The following HIPK3 variants were observed in gnomAD, a reference collection of about 807,000 sequenced individuals.
The protein encoded by HIPK3 is homeodomain interacting protein kinase 3.
A neutral mutation model predicts 124.2 loss-of-function variants in HIPK3; 47 were observed. The observed-to-expected ratio is 0.38, with a 90% CI of 0.30 to 0.48. The LOEUF (loss-of-function observed/expected upper bound fraction) is 0.48. HIPK3 is among the 20% of genes least tolerant of loss of function. The pLI, the probability that HIPK3 is intolerant of heterozygous loss-of-function variation, is 0.98. For synonymous variants in HIPK3, 482 were observed against 515.2 expected, an observed-to-expected ratio of 0.94 and a Z score of 0.87; for missense variants, 1,286 against 1,454.3, an observed-to-expected ratio of 0.88 and a Z score of 1.88.
At chr11:33,295,375 G>C (rs1253259842) in intron 2 of HIPK3, among the ~76,000 whole-genome samples, 1 of 149,854 alleles carries the variant, frequency 6.7e-6, no homozygotes, top group Non-Finnish European at 1.5e-5. Flanking sequence ...CCCTAGCCAG[G>C]GTTGTGCTTT....
chr11:33,317,775 G>A (rs1311679464), intron 2 of HIPK3, among the ~76,000 whole-genome samples: 1 of 152,110 alleles, frequency 6.6e-6, no homozygotes, highest in East Asian at 1.9e-4. Context: ...GCTGTCTTTT[G>A]TTACAAGTAT....
intron 1 of HIPK3, among the ~76,000 whole-genome samples, chr11:33,268,387 G>C (rs1851029351): frequency 6.6e-6 from 1 of 151,814 alleles, no homozygotes; most frequent in African/African-American, 2.4e-5. Context: ...TTGAAGCCAG[G>C]AGTTCAAGAC....
At position 33,349,853 on chromosome 11, in the gene HIPK3, G is replaced by A. The variant is rs577341578; in HGVS notation, c.2807+566G>A. Reference sequence around the variant, plus strand: ...GTGATCTTGGCTCACCGCAGCCTCCGCCTCCCCAGGTTCAAGTGAGTCTCC... The same window carrying A: ...GTGATCTTGGCTCACCGCAGCCTCCACCTCCCCAGGTTCAAGTGAGTCTCC... On this transcript the variant is annotated intron_variant, in intron 14 of 16. Transcript: ENST00000303296. Among the ~76,000 whole-genome samples, 400 of 152,116 alleles carry A rather than the reference G, an allele frequency of 2.6e-3. 2 individuals carry two copies. The highest frequency in any genetic ancestry group is 9.2e-3 in the African/African-American group (383 of 41,494).
At chr11:33,352,042 C>G (rs757082526) in intron 15 of HIPK3, 96 bp from the exon 16 acceptor site, 26 of 1,269,926 alleles carry the variant, frequency 2.0e-5, no homozygotes, top group Non-Finnish European at 2.8e-5. Context: ...TTTTAAGGCT[C>G]TCAAATCACT....
intron 1 of HIPK3, among the ~76,000 whole-genome samples, chr11:33,278,517 C>T (rs1479578233): frequency 6.6e-6 from 1 of 152,130 alleles, no homozygotes; most frequent in Non-Finnish European, 1.5e-5. Flanking sequence ...GGTAGTTGGT[C>T]AAGAAGCACC....
Position 33,337,197 on chromosome 11 carries a change from A to T in HIPK3, c.1341+3A>T. 1 of 1,507,386 alleles carries T rather than the reference A, an allele frequency of 6.6e-7. No individual in the cohort carries two copies. The highest frequency in any genetic ancestry group is 9.1e-7 in the Non-Finnish European group (1 of 1,098,878). The allele number at this position is 1,507,386 out of a possible 1,614,324, so 93.4% of individuals were successfully genotyped here. ...CTCATTCTGGTTGGAGATTAAAGGT[A>T]ATTCATTAAAAAATAGAATATTTAG... On this transcript the variant is annotated splice_donor_region_variant and intron_variant, in intron 4 of 16. Coordinates refer to ENST00000303296, the MANE Select transcript of HIPK3 (RefSeq NM_005734.5).
chr11:33,314,761 T>G (rs2133948931), intron 2 of HIPK3, among the ~76,000 whole-genome samples: 1 of 152,316 alleles, frequency 6.6e-6, no homozygotes, highest in African/African-American at 2.4e-5. Context: ...GTTAAATCAT[T>G]TATTGCAGTT....
chr11:33,322,221 G>A (rs909835394), intron 2 of HIPK3, among the ~76,000 whole-genome samples: 1 of 151,844 alleles, frequency 6.6e-6, no homozygotes, highest in African/African-American at 2.4e-5. Flanking sequence ...GGATGGTCTC[G>A]ATCTCCTGAC....
chr11:33,268,404 G>A (rs1851029880), intron 1 of HIPK3, among the ~76,000 whole-genome samples: 1 of 151,804 alleles, frequency 6.6e-6, no homozygotes, highest in African/African-American at 2.4e-5. Context: ...AGACCAGCCT[G>A]GGTATATAGT....
chr11:33,301,619 T>TAAAAA (rs76292557), intron 2 of HIPK3, among the ~76,000 whole-genome samples: 1 of 91,132 alleles, frequency 1.1e-5, no homozygotes, highest in Admixed American at 1.2e-4. Context: ...CCCATCTCTA[T>TAAAAA]AAAAAAAAAA....
chr11:33,280,560 CTG>C (rs1851385911), intron 1 of HIPK3, among the ~76,000 whole-genome samples: 1 of 152,280 alleles, frequency 6.6e-6, no homozygotes, highest in South Asian at 2.1e-4. Flanking sequence ...ATATTCCTAT[CTG>C]TGTTTATTTT....
chr11:33,341,820 C>T (rs1853343824), intron 8 of HIPK3, 134 bp downstream of exon 8: 1 of 779,730 alleles, frequency 1.3e-6, no homozygotes, highest in African/African-American at 1.8e-5. Context: ...GCTGTTCAGG[C>T]CAAGTGTGGT....
rs1850704268 is a variant in HIPK3 at position 33,257,734 on chromosome 11, G to A, written c.-158G>A. On this transcript the variant is annotated 5_prime_UTR_variant, in exon 1 of 17. Transcript: ENST00000303296. ...CGTTTCCTCTCAGCCGCCAGGACAAGATGGCAGCGGCCGCGGAGAGGGGCT... is the reference window on the plus strand; with the variant it reads ...CGTTTCCTCTCAGCCGCCAGGACAAAATGGCAGCGGCCGCGGAGAGGGGCT... The A allele has an allele frequency of 9.1e-6, 9 of 989,024 alleles. No homozygotes were observed. The highest frequency in any genetic ancestry group is 6.1e-5 in the Admixed American group (1 of 16,304). 61.3% of individuals were successfully genotyped at this position (989,024 alleles called of 1,614,324 possible). A position where few individuals can be genotyped will look rare whatever the true frequency, so the allele number is the denominator to read the frequency against.
intron 8 of HIPK3, among the ~76,000 whole-genome samples, chr11:33,343,188 G>C (rs562171720): frequency 1.3e-5 from 2 of 151,280 alleles, no homozygotes; most frequent in South Asian, 4.2e-4. Context: ...AGCCTGAATA[G>C]ATAATATATT....
chr11:33,289,452 T>A (rs1333038183), intron 2 of HIPK3, among the ~76,000 whole-genome samples: 1 of 152,016 alleles, frequency 6.6e-6, no homozygotes, highest in African/African-American at 2.4e-5. Context: ...GAAAAAAAAA[T>A]AAAGTGTGTA....
In HIPK3 at chr11:33,307,119, A is replaced by G. The variant is rs141925196; in HGVS notation, c.1097+19608A>G. On this transcript the variant is annotated intron_variant, in intron 2 of 16. Coordinates refer to ENST00000303296, the MANE Select transcript of HIPK3 (RefSeq NM_005734.5). ...ATGCCTGGCTAATTTTTGTATTTTCAGTAGAAATGGGGTTTTGCCATGTTG... is the reference window on the plus strand; with the variant it reads ...ATGCCTGGCTAATTTTTGTATTTTCGGTAGAAATGGGGTTTTGCCATGTTG... Among the ~76,000 whole-genome samples, 535 of 150,652 alleles carry G rather than the reference A, an allele frequency of 3.6e-3. 12 individuals carry two copies. The East Asian group carries it at 0.064, about 18-fold the overall frequency.
chr11:33,260,613 A>G (rs986541841), intron 1 of HIPK3, among the ~76,000 whole-genome samples: 5 of 152,234 alleles, frequency 3.3e-5, no homozygotes, highest in South Asian at 2.1e-4. Flanking sequence ...GATAAGGTAA[A>G]TTAGAATTGC....
chr11:33,302,091 T>A (rs1280318470), intron 2 of HIPK3, among the ~76,000 whole-genome samples: 1 of 152,156 alleles, frequency 6.6e-6, no homozygotes, highest in Non-Finnish European at 1.5e-5. Context: ...TTGTAATCAA[T>A]CTAGATATCT....
intron 3 of HIPK3, among the ~76,000 whole-genome samples, chr11:33,334,408 G>A (rs192312994): frequency 1.4e-4 from 21 of 152,232 alleles, no homozygotes; most frequent in Admixed American, 5.2e-4. Context: ...GAACAATATA[G>A]GAAAGAGAAA....
Sources: gnomAD v4.1 joint callset for allele counts (sites outside exome capture counted in the v4.1 genomes callset) on GRCh38, gnomAD v4.1.1 for gene constraint, MANE v1.5 for transcripts, NCBI Gene and HGNC (gene_info 2026-07-23, HGNC 2026-07-21) for gene names.